The following GRID2 variants were observed in gnomAD, a reference collection of about 807,000 sequenced individuals.
GRID2 encodes glutamate receptor ionotropic, delta-2.
GRID2 carries 33 observed loss-of-function variants against 114.8 expected under a neutral mutation model. The observed-to-expected ratio is 0.29, with a 90% CI of 0.22 to 0.38. The LOEUF (loss-of-function observed/expected upper bound fraction) is 0.38, where lower values mean the gene tolerates loss of function less well. Ranked by LOEUF, GRID2 falls within the 10% of genes least tolerant of loss-of-function variation. The pLI, the probability that GRID2 is intolerant of heterozygous loss-of-function variation, is 1.00. For synonymous variants in GRID2, 505 were observed against 449.9 expected, an observed-to-expected ratio of 1.12 and a Z score of -1.55; for missense variants, 1,184 against 1,257.7, an observed-to-expected ratio of 0.94 and a Z score of 0.89.
At chr4:92,431,622 T>C (rs1197790861) in intron 1 of GRID2, among the ~76,000 whole-genome samples, 1 of 151,524 alleles carries the variant, frequency 6.6e-6, no homozygotes, top group African/African-American at 2.4e-5. Context: ...CAAACATGAA[T>C]AAGAAAGACT....
chr4:92,374,444 G>A (rs1294844762), intron 1 of GRID2, among the ~76,000 whole-genome samples: 1 of 152,050 alleles, frequency 6.6e-6, no homozygotes, highest in Non-Finnish European at 1.5e-5. Context: ...TCTTAAATGG[G>A]TTTTATTGAA....
At chr4:93,665,167 T>C (rs1045103889) in intron 14 of GRID2, among the ~76,000 whole-genome samples, 24 of 152,190 alleles carry the variant, frequency 1.6e-4, no homozygotes, top group Middle Eastern at 3.2e-3. Flanking sequence ...TGCTCTTCCA[T>C]AGGTATGTCA....
intron 2 of GRID2, among the ~76,000 whole-genome samples, chr4:92,736,305 G>C (rs1405669699): frequency 3.9e-5 from 6 of 152,022 alleles, no homozygotes; most frequent in Non-Finnish European, 7.4e-5. Flanking sequence ...AAACAAATTT[G>C]ATCTAGAACC....
At chr4:92,751,555 A>G (rs1305941680) in intron 2 of GRID2, among the ~76,000 whole-genome samples, 1 of 152,228 alleles carries the variant, frequency 6.6e-6, no homozygotes, top group Non-Finnish European at 1.5e-5. Flanking sequence ...GCTTAAATCA[A>G]TGTTCTCTTT....
At chr4:93,595,014 C>G (rs35298183) in intron 13 of GRID2, among the ~76,000 whole-genome samples, 28,060 of 152,030 alleles carry the variant, frequency 0.18, 3,039 homozygotes, top group Middle Eastern at 0.3. Flanking sequence ...CACCCATCTT[C>G]TGCATCGCTC....
intron 2 of GRID2, among the ~76,000 whole-genome samples, chr4:92,685,326 A>G (rs1425426731): frequency 6.6e-6 from 1 of 152,034 alleles, no homozygotes; most frequent in African/African-American, 2.4e-5. Flanking sequence ...TGCCCAGGTA[A>G]GGGAGACAGG....
chr4:92,348,761 T>A (rs918066345), intron 1 of GRID2, among the ~76,000 whole-genome samples: 5 of 152,068 alleles, frequency 3.3e-5, no homozygotes, highest in African/African-American at 1.2e-4. Flanking sequence ...ACACATAACG[T>A]CTCCAGGCCC....
intron 10 of GRID2, among the ~76,000 whole-genome samples, chr4:93,432,671 TGATG>T (rs1769528729): frequency 6.6e-6 from 1 of 152,176 alleles, no homozygotes. Context: ...GATACTCTAA[TGATG>T]GATACACTGC....
chr4:92,773,243 G>A (rs1738622923), intron 2 of GRID2, among the ~76,000 whole-genome samples: 1 of 152,142 alleles, frequency 6.6e-6, no homozygotes, highest in Admixed American at 6.5e-5. Flanking sequence ...CCTCTGAAAT[G>A]CCACTCTGGC....
intron 7 of GRID2, among the ~76,000 whole-genome samples, chr4:93,228,064 A>C (rs1745704375): frequency 6.6e-6 from 1 of 152,168 alleles, no homozygotes; most frequent in Non-Finnish European, 1.5e-5. Context: ...ACCTTTATGC[A>C]GTTCCAAAGT....
intron 2 of GRID2, among the ~76,000 whole-genome samples, chr4:92,915,455 T>G (rs1023138976): frequency 6.6e-6 from 1 of 152,142 alleles, no homozygotes; most frequent in African/African-American, 2.4e-5. Flanking sequence ...TGTACTTATT[T>G]TGTGAAAATA....
chr4:93,365,775 T>C (rs1762280113), intron 8 of GRID2, among the ~76,000 whole-genome samples: 1 of 152,124 alleles, frequency 6.6e-6, no homozygotes. Flanking sequence ...AAAGGAAATA[T>C]TGTTGCGGGA....
intron 2 of GRID2, among the ~76,000 whole-genome samples, chr4:93,005,838 T>C (rs1286471375): frequency 1.3e-5 from 2 of 152,114 alleles, no homozygotes; most frequent in African/African-American, 4.8e-5. Flanking sequence ...ATATCCAGAA[T>C]GGTTAAATCC....
intron 14 of GRID2, among the ~76,000 whole-genome samples, chr4:93,653,687 T>C (rs1473300625): frequency 6.6e-6 from 1 of 152,144 alleles, no homozygotes; most frequent in Non-Finnish European, 1.5e-5. Context: ...AAGAGATTTT[T>C]ACCACCCACT....
chr4:93,019,397 T>C (rs1285913611), intron 2 of GRID2, among the ~76,000 whole-genome samples: 2 of 152,298 alleles, frequency 1.3e-5, no homozygotes, highest in African/African-American at 4.8e-5. Context: ...TCTTGGGGCC[T>C]GAAGTTTTTC....
At chr4:93,633,506 A>C (rs1721131800) in intron 14 of GRID2, among the ~76,000 whole-genome samples, 2 of 152,154 alleles carry the variant, frequency 1.3e-5, no homozygotes, top group South Asian at 2.1e-4. Flanking sequence ...TGCAGTAAGC[A>C]TTCAATAATT....
intron 14 of GRID2, among the ~76,000 whole-genome samples, chr4:93,762,598 G>A (rs1733303672): frequency 6.6e-6 from 1 of 152,156 alleles, no homozygotes; most frequent in African/African-American, 2.4e-5. Context: ...GTCAGGAGAA[G>A]AGAAAGGCAA....
chr4:93,075,363 T>C (rs1393685149), intron 2 of GRID2, among the ~76,000 whole-genome samples: 3 of 152,190 alleles, frequency 2.0e-5, no homozygotes, highest in Non-Finnish European at 4.4e-5. Context: ...CTTCAGGTTA[T>C]ATTATTTTCA....
At chr4:92,666,229 A>G (rs996144821) in intron 2 of GRID2, among the ~76,000 whole-genome samples, 2 of 151,228 alleles carry the variant, frequency 1.3e-5, no homozygotes, top group African/African-American at 4.8e-5. Context: ...CAGTTATTAT[A>G]CTTCCCTGTT....
Sources: allele counts gnomAD v4.1 joint callset (sites outside exome capture counted in the v4.1 genomes callset), GRCh38; gene constraint gnomAD v4.1.1; transcripts MANE v1.5; gene names NCBI Gene and HGNC (gene_info 2026-07-23, HGNC 2026-07-21).